NRXN3: variants seen among roughly 807,000 people sequenced by gnomAD.
NRXN3 encodes neurexin III.
In NRXN3, 32 loss-of-function variants were observed where a neutral mutation model predicts 137.6. The ratio of observed to expected loss-of-function variants is 0.23; its 90% CI spans 0.18 to 0.31. NRXN3 has a LOEUF of 0.31. Ranked by LOEUF, NRXN3 falls within the 10% of genes least tolerant of loss-of-function variation. NRXN3 has a pLI of 1.00. For synonymous variants in NRXN3, 798 were observed against 784.5 expected (o/e 1.02, Z -0.29); for missense variants, 1,574 against 2,062.5 (o/e 0.76, Z 4.59).
chr14:78,657,289 A>G (rs533193742), intron 6 of NRXN3, among the ~76,000 whole-genome samples: 16 of 152,256 alleles, frequency 1.1e-4, no homozygotes, highest in Non-Finnish European at 2.2e-4. Context: ...ACTGAGTTAC[A>G]TGAGTAGGGT....
At chr14:79,171,166 G>A (rs17510215) in intron 15 of NRXN3, among the ~76,000 whole-genome samples, 31,384 of 151,888 alleles carry the variant, frequency 0.21, 3,633 homozygotes, top group Middle Eastern at 0.27. Flanking sequence ...AGCAGGATCC[G>A]TGTTTTAATT....
chr14:79,652,231 C>T (rs934397487), intron 16 of NRXN3, among the ~76,000 whole-genome samples: 1 of 152,160 alleles, frequency 6.6e-6, no homozygotes, highest in Non-Finnish European at 1.5e-5. Context: ...AACTATTTCT[C>T]TAGCATTATG....
At chr14:79,010,619 A>C (rs1236823132) in intron 15 of NRXN3, among the ~76,000 whole-genome samples, 4 of 152,210 alleles carry the variant, frequency 2.6e-5, no homozygotes, top group Admixed American at 6.5e-5. Flanking sequence ...AAAGAGAATA[A>C]GTATAATAAC....
chr14:78,392,648 T>C (rs1221203042), intron 4 of NRXN3, among the ~76,000 whole-genome samples: 2 of 152,162 alleles, frequency 1.3e-5, no homozygotes, highest in Admixed American at 6.5e-5. Context: ...AGTGAGATGA[T>C]ATAAATCATC....
rs766058104 is a variant in NRXN3, at chr14:78,775,613, T to C, written c.2045-28007T>C. On this transcript the variant is annotated intron_variant, in intron 8 of 20. Coordinates refer to ENST00000335750, the MANE Select transcript of NRXN3 (RefSeq NM_001330195.2). ...ACAGGAATGAGGTGCCATTGTGAGA[T>C]AGGGTGGCCTGACATATTCTGCTAG... Among the ~76,000 whole-genome samples, 22 of 152,190 alleles carry C rather than the reference T, an allele frequency of 1.4e-4. 1 individual carries two copies. Among genetic ancestry groups the C allele is most frequent in the Admixed American group, 1.3e-3 (20 of 15,274 alleles).
intron 4 of NRXN3, among the ~76,000 whole-genome samples, chr14:78,425,232 G>A (rs961476451): frequency 4.1e-4 from 62 of 152,300 alleles, no homozygotes; most frequent in Admixed American, 1.2e-3. Flanking sequence ...CTCACTTGTA[G>A]TTTCACAGTG....
chr14:79,314,690 G>A (rs564802784), intron 15 of NRXN3, among the ~76,000 whole-genome samples: 14 of 141,848 alleles, frequency 9.9e-5, no homozygotes, highest in Non-Finnish European at 2.0e-4. Flanking sequence ...AGAGAGCAGT[G>A]GTTCTCCCAG....
At chr14:78,458,522 T>G (rs578026650) in intron 4 of NRXN3, among the ~76,000 whole-genome samples, 1 of 152,330 alleles carries the variant, frequency 6.6e-6, no homozygotes, top group East Asian at 1.9e-4. Context: ...ATTCTTCACG[T>G]TTCCTCCTGT....
intron 15 of NRXN3, among the ~76,000 whole-genome samples, chr14:79,269,111 A>G (rs1262397422): frequency 8.6e-5 from 13 of 151,916 alleles, no homozygotes; most frequent in Non-Finnish European, 1.8e-4. Context: ...GTGCAGTGGC[A>G]CAATCTCGGC....
intron 10 of NRXN3, among the ~76,000 whole-genome samples, chr14:78,928,889 G>A (rs536247339): frequency 2.0e-5 from 3 of 152,204 alleles, no homozygotes; most frequent in South Asian, 2.1e-4. Flanking sequence ...CTTCCACAAT[G>A]GTTGAACTAG....
intron 15 of NRXN3, among the ~76,000 whole-genome samples, chr14:79,043,545 T>G (rs1666791474): frequency 6.6e-6 from 1 of 152,150 alleles, no homozygotes; most frequent in Admixed American, 6.5e-5. Context: ...ATTCTTTACT[T>G]CTGAGGACTA....
intron 10 of NRXN3, among the ~76,000 whole-genome samples, chr14:78,920,007 G>A (rs551648775): frequency 7.9e-5 from 12 of 152,298 alleles, no homozygotes; most frequent in African/African-American, 2.6e-4. Context: ...CTAAAAAGAT[G>A]AAATAAAGAA....
intron 10 of NRXN3, among the ~76,000 whole-genome samples, chr14:78,882,969 T>C (rs1213674285): frequency 6.6e-6 from 1 of 152,232 alleles, no homozygotes; most frequent in East Asian, 1.9e-4. Flanking sequence ...GTTCTCATGA[T>C]AGTGAGTGAG....
intron 4 of NRXN3, chr14:78,614,882 G>A: frequency 2.2e-6 from 1 of 452,332 alleles, no homozygotes; most frequent in Non-Finnish European, 4.5e-6. Flanking sequence ...AGACTAGCTG[G>A]GGGCTCAGCA....
chr14:79,265,054 C>T (rs754045931), intron 15 of NRXN3, among the ~76,000 whole-genome samples: 45 of 151,430 alleles, frequency 3.0e-4, no homozygotes, highest in Non-Finnish European at 6.2e-4. Context: ...GGCCAAATGT[C>T]GTATATAGTA....
intron 19 of NRXN3, among the ~76,000 whole-genome samples, chr14:79,763,031 C>G (rs559443504): frequency 2.6e-5 from 4 of 151,136 alleles, no homozygotes; most frequent in Non-Finnish European, 5.9e-5. Flanking sequence ...CTCCCACCCC[C>G]TGACAGGCCC....
Position 78,967,184 on chromosome 14 carries a change from GTTTT to G in NRXN3, c.2778-12_2778-9del, listed in dbSNP as rs10603296. On this transcript the variant is annotated intron_variant, in intron 12 of 20. Transcript: ENST00000335750. ...CCACTTCGGGGATTTTCCAATTATT[GTTTT>G]TTTTTTTTTTTCTTCCTAGGTATAT... 16 of 1,420,824 alleles carry G rather than the reference GTTTT, an allele frequency of 1.1e-5. No individual in the cohort carries two copies. The highest frequency in any genetic ancestry group is 2.1e-5 in the Admixed American group (1 of 48,236). The allele number at this position is 1,420,824 out of a possible 1,614,324, so 88.0% of individuals were successfully genotyped here.
intron 16 of NRXN3, among the ~76,000 whole-genome samples, chr14:79,630,703 A>G (rs920454309): frequency 3.9e-5 from 6 of 152,134 alleles, no homozygotes; most frequent in Admixed American, 6.5e-5. Flanking sequence ...TCATCCACTG[A>G]TTCTCATCTA....
rs531047390 is a variant in NRXN3 at position 78,968,349 on chromosome 14, A to G, written c.3142+3A>G. 167 of 1,611,888 alleles carry G rather than the reference A, an allele frequency of 1.0e-4. 1 individual carries two copies. In the South Asian group the frequency reaches 1.1e-3, roughly 11 times the overall value. ...ACAGATCGAGCGTGGCTGTGAAGGT[A>G]CAACCTATTTTTTTCTTGTTAAGCT... is the stretch of plus-strand genomic sequence containing the variant. On this transcript the variant is annotated splice_donor_region_variant and intron_variant, in intron 14 of 20. Transcript: ENST00000335750.
Sources: gnomAD v4.1 joint callset for allele counts (sites outside exome capture counted in the v4.1 genomes callset) on GRCh38, gnomAD v4.1.1 for gene constraint, MANE v1.5 for transcripts, NCBI Gene and HGNC (gene_info 2026-07-23, HGNC 2026-07-21) for gene names.